Variants in NRXN3 observed in about 807,000 individuals in gnomAD.
NRXN3 encodes neurexin 3.
A neutral mutation model predicts 137.6 loss-of-function variants in NRXN3; 32 were observed. The ratio of observed to expected loss-of-function variants is 0.23; its 90% CI spans 0.18 to 0.31. The LOEUF (loss-of-function observed/expected upper bound fraction) is 0.31, where lower values mean the gene tolerates loss of function less well. Ranked by LOEUF, NRXN3 falls within the 10% of genes least tolerant of loss-of-function variation. The probability of loss-of-function intolerance (pLI) is 1.00; values close to 1 mark genes in which losing one functional copy is unlikely to be tolerated. For missense variants in NRXN3, 1,574 were observed against 2,062.5 expected (o/e 0.76, Z 4.59); for synonymous variants, 798 against 784.5 (o/e 1.02, Z -0.29).
intron 19 of NRXN3, among the ~76,000 whole-genome samples, chr14:79,802,732 G>GCTT (rs2099186720): frequency 6.6e-6 from 1 of 152,112 alleles, no homozygotes; most frequent in South Asian, 2.1e-4. Context: ...CTATTATAGG[G>GCTT]CCCCCTCTCA....
At chr14:79,257,368 T>G in intron 15 of NRXN3, among the ~76,000 whole-genome samples, 1 of 122,842 alleles carries the variant, frequency 8.1e-6, no homozygotes, top group Non-Finnish European at 1.7e-5. Context: ...GTGGTGGTGG[T>G]GGTGGTGGTG....
At chr14:78,526,837 T>G in intron 4 of NRXN3, 1 of 493,328 alleles carries the variant, frequency 2.0e-6, no homozygotes, top group Non-Finnish European at 4.0e-6. Context: ...ATTCATATTT[T>G]CTATGCTTCC....
At chr14:78,272,330 G>T (rs1442520658) in intron 2 of NRXN3, among the ~76,000 whole-genome samples, 1 of 152,180 alleles carries the variant, frequency 6.6e-6, no homozygotes, top group Admixed American at 6.5e-5. Context: ...CATACCAGTA[G>T]GTTGGTCTGC....
At chr14:78,328,158 C>G (rs1457290818) in intron 4 of NRXN3, among the ~76,000 whole-genome samples, 1 of 152,140 alleles carries the variant, frequency 6.6e-6, no homozygotes, top group Non-Finnish European at 1.5e-5. Context: ...ACTCATCTTG[C>G]TCTAAATCAT....
At chr14:79,515,213 G>C (rs2096971090) in intron 16 of NRXN3, among the ~76,000 whole-genome samples, 1 of 150,502 alleles carries the variant, frequency 6.6e-6, no homozygotes, top group Non-Finnish European at 1.5e-5. Context: ...TGAAAAGTAG[G>C]GAAAGAAAGC....
intron 1 of NRXN3, among the ~76,000 whole-genome samples, chr14:78,202,347 A>G (rs184955742): frequency 2.6e-4 from 39 of 152,370 alleles, no homozygotes; most frequent in African/African-American, 9.4e-4. Flanking sequence ...GACTTTGTGG[A>G]TTTCCTGTCG....
intron 16 of NRXN3, among the ~76,000 whole-genome samples, chr14:79,638,518 G>A (rs1043957601): frequency 3.9e-5 from 6 of 152,096 alleles, no homozygotes; most frequent in Admixed American, 1.3e-4. Context: ...TGATAACACC[G>A]TTTTCAAATG....
At chr14:79,061,048 G>T (rs986573502) in intron 15 of NRXN3, among the ~76,000 whole-genome samples, 43 of 152,146 alleles carry the variant, frequency 2.8e-4, no homozygotes, top group African/African-American at 9.7e-4. Flanking sequence ...CTACTTAGTG[G>T]CTTATACGTA....
intron 15 of NRXN3, among the ~76,000 whole-genome samples, chr14:79,459,956 C>A (rs1030007354): frequency 1.3e-5 from 2 of 152,032 alleles, no homozygotes; most frequent in Non-Finnish European, 2.9e-5. Context: ...TTTTCCTTAG[C>A]GGAAGTATCC....
In NRXN3 at chr14:78,524,852, G is replaced by A. The variant is rs150401867; in HGVS notation, c.758-120268G>A. On this transcript the variant is annotated intron_variant, in intron 4 of 20. Coordinates refer to ENST00000335750, the MANE Select transcript of NRXN3 (RefSeq NM_001330195.2). ...AGTGAATCAAATCACATTAACCTGAGATGGTGGGCAAGGATCATGAAAAAG... is the reference window on the plus strand; with the variant it reads ...AGTGAATCAAATCACATTAACCTGAAATGGTGGGCAAGGATCATGAAAAAG... 2.5e-3 allele frequency among the ~76,000 whole-genome samples: 377 copies of A among 152,276 alleles called. 2 individuals are homozygous for A. Among genetic ancestry groups the A allele is most frequent in the South Asian group, 6.4e-3 (31 of 4,822 alleles).
intron 15 of NRXN3, among the ~76,000 whole-genome samples, chr14:79,062,417 ACT>A (rs1182128028): frequency 1.3e-5 from 2 of 152,016 alleles, no homozygotes; most frequent in African/African-American, 4.8e-5. Flanking sequence ...TTCACAGTTC[ACT>A]CTTTTTCCAA....
intron 15 of NRXN3, among the ~76,000 whole-genome samples, chr14:79,046,547 A>G (rs10142256): frequency 6.6e-6 from 1 of 151,934 alleles, no homozygotes; most frequent in South Asian, 2.1e-4. Context: ...CCCTCCCTGT[A>G]TGCTTCTTCC....
At chr14:78,737,623 G>T (rs1353116967) in intron 8 of NRXN3, among the ~76,000 whole-genome samples, 1 of 151,826 alleles carries the variant, frequency 6.6e-6, no homozygotes, top group African/African-American at 2.4e-5. Context: ...TGGCAAAAAA[G>T]GGGGGGAGGG....
intron 15 of NRXN3, among the ~76,000 whole-genome samples, chr14:79,284,296 G>C (rs935422257): frequency 7.0e-6 from 1 of 142,012 alleles, no homozygotes; most frequent in East Asian, 2.1e-4. Context: ...TCAAGAGTTT[G>C]AGACCTGCCT....
intron 1 of NRXN3, among the ~76,000 whole-genome samples, chr14:78,186,024 C>T (rs1463867115): frequency 6.6e-6 from 1 of 152,124 alleles, no homozygotes; most frequent in Non-Finnish European, 1.5e-5. Context: ...TGGTAATGTC[C>T]CTGGATTTGG....
At chr14:78,410,311 A>G (rs573571398) in intron 4 of NRXN3, among the ~76,000 whole-genome samples, 2 of 152,340 alleles carry the variant, frequency 1.3e-5, no homozygotes, top group East Asian at 3.9e-4. Flanking sequence ...CCTATGTTAT[A>G]GCTCTGTTAG....
At chr14:79,804,522 A>G (rs2099195772) in intron 19 of NRXN3, among the ~76,000 whole-genome samples, 2 of 152,158 alleles carry the variant, frequency 1.3e-5, no homozygotes, top group African/African-American at 4.8e-5. Context: ...GTATCATGCT[A>G]CTGGTCTACA....
chr14:79,168,793 C>A (rs2061514202), intron 15 of NRXN3, among the ~76,000 whole-genome samples: 1 of 151,306 alleles, frequency 6.6e-6, no homozygotes, highest in Non-Finnish European at 1.5e-5. Flanking sequence ...CAAAAATCAC[C>A]ACTTATGTTT....
chr14:79,847,655 T>C (rs1324266312), intron 20 of NRXN3, among the ~76,000 whole-genome samples: 2 of 152,184 alleles, frequency 1.3e-5, no homozygotes, highest in African/African-American at 4.8e-5. Context: ...TTTTATGAGC[T>C]CAGCACTCCT....
Sources: gnomAD v4.1 joint callset for allele counts (sites outside exome capture counted in the v4.1 genomes callset) on GRCh38, gnomAD v4.1.1 for gene constraint, MANE v1.5 for transcripts, NCBI Gene and HGNC (gene_info 2026-07-23, HGNC 2026-07-21) for gene names.